LARGE1: variants seen among roughly 807,000 people sequenced by gnomAD.
The protein encoded by LARGE1 is xylosyl- and glucuronyltransferase LARGE1.
A neutral mutation model predicts 87.6 loss-of-function variants in LARGE1; 43 were observed. The ratio of observed to expected loss-of-function variants is 0.49; its 90% confidence interval spans 0.38 to 0.63. LARGE1 has a LOEUF of 0.63. LARGE1 is among the 30% of genes least tolerant of loss of function. The pLI, the probability that LARGE1 is intolerant of heterozygous loss-of-function variation, is 0.00. For synonymous variants in LARGE1, 434 were observed against 394.6 expected, an observed-to-expected ratio of 1.10 and a Z score of -1.18; for missense variants, 802 against 1,000.2, an observed-to-expected ratio of 0.80 and a Z score of 2.67.
chr22:33,196,385 AT>A (rs1017708582), intron 11 of LARGE1, among the ~76,000 whole-genome samples: 1 of 152,170 alleles, frequency 6.6e-6, no homozygotes, highest in Non-Finnish European at 1.5e-5. Flanking sequence ...ATGGCATTCA[AT>A]TTAGTAAGTT....
Position 33,849,568 on chromosome 22 carries a change from T to C in LARGE1, c.-83+70427A>G, listed in dbSNP as rs539154494. 1.1e-4 allele frequency among the ~76,000 whole-genome samples: 16 copies of C among 151,360 alleles called. No individual in the cohort carries two copies. The South Asian group carries it at 2.9e-3, about 28-fold the overall frequency. ...TATGAGTTTTCAACATATTAATCCC[T>C]TTAGTTCTTTTTTCTTTTCTTCTCT... On this transcript the variant is annotated intron_variant, in intron 1 of 14. Coordinates refer to ENST00000397394, the MANE Select transcript of LARGE1 (RefSeq NM_133642.5).
At chr22:33,348,289 C>CCCCAAA (rs1569081859) in intron 9 of LARGE1, among the ~76,000 whole-genome samples, 8 of 124,036 alleles carry the variant, frequency 6.4e-5, no homozygotes, top group African/African-American at 9.2e-5. Context: ...CACCCCCCCC[C>CCCCAAA]AAAAAAAAAG....
intron 6 of LARGE1, among the ~76,000 whole-genome samples, chr22:33,531,496 C>T (rs2072201133): frequency 6.6e-6 from 1 of 152,164 alleles, no homozygotes; most frequent in Non-Finnish European, 1.5e-5. Context: ...TCTCCAACTA[C>T]CTGGATGTGG....
At chr22:33,332,711 A>G (rs982488008) in intron 10 of LARGE1, among the ~76,000 whole-genome samples, 1 of 152,122 alleles carries the variant, frequency 6.6e-6, no homozygotes, top group African/African-American at 2.4e-5. Context: ...TGCAGATAAC[A>G]CTTGACGCGC....
chr22:33,462,302 G>A (rs1437932731), intron 6 of LARGE1, among the ~76,000 whole-genome samples: 3 of 151,986 alleles, frequency 2.0e-5, no homozygotes, highest in South Asian at 2.1e-4. Context: ...AACACCCTTC[G>A]GGATGGCAAA....
At chr22:33,913,451 G>A (rs2057175646) in intron 1 of LARGE1, among the ~76,000 whole-genome samples, 1 of 152,190 alleles carries the variant, frequency 6.6e-6, no homozygotes, top group South Asian at 2.1e-4. Context: ...CATAACCACT[G>A]TACTGCTTTC....
rs143324200 is a variant in LARGE1, at chr22:33,389,847, AAACCAACCAACCAACCAACC to A, written c.893-5563_893-5544del. Among the ~76,000 whole-genome samples the A allele has an allele frequency of 2.2e-3, 312 of 140,110 alleles. 2 individuals are homozygous for A. The Middle Eastern group carries it at 0.032, about 14-fold the overall frequency. The allele number at this position is 140,110 out of a possible 152,430, so 91.9% of individuals were successfully genotyped here. A position where few individuals can be genotyped will look rare whatever the true frequency, so the allele number is the denominator to read the frequency against. On this transcript the variant is annotated intron_variant, in intron 7 of 14. Transcript: ENST00000397394. ...GTGACAGAATGAGACTCAGTCTCAA[AAACCAACCAACCAACCAACC>A]AACCAACCAACCAACCAACCAACCA...
chr22:33,203,421 CAG>C (rs1602087926), intron 11 of LARGE1, among the ~76,000 whole-genome samples: 1 of 152,224 alleles, frequency 6.6e-6, no homozygotes, highest in East Asian at 1.9e-4. Flanking sequence ...ACCCTGTGTT[CAG>C]ATACTGGGAA....
chr22:33,109,555 T>C, the LARGE1 span, among the ~76,000 whole-genome samples: 1 of 152,216 alleles, frequency 6.6e-6, no homozygotes, highest in Non-Finnish European at 1.5e-5. Context: ...GAAATGTACC[T>C]TTATTTGCTT....
At chr22:33,463,996 A>G (rs2068486356) in intron 6 of LARGE1, among the ~76,000 whole-genome samples, 1 of 152,108 alleles carries the variant, frequency 6.6e-6, no homozygotes, top group African/African-American at 2.4e-5. Context: ...TAATAGTTCA[A>G]TTTTTAAGTT....
At chr22:33,626,473 T>C (rs2079926509) in intron 3 of LARGE1, 147 bp from the exon 4 acceptor site, 3 of 690,748 alleles carry the variant, frequency 4.3e-6, no homozygotes, top group Non-Finnish European at 7.8e-6. Flanking sequence ...CTGTGGAAAA[T>C]AACTCAAGAC....
intron 5 of LARGE1, among the ~76,000 whole-genome samples, chr22:33,574,686 TTGTGTGTGTGTGTGTGTGTGTG>T (rs3986017): frequency 0.012 from 1,794 of 144,076 alleles, 49 homozygotes; most frequent in African/African-American, 0.042. Flanking sequence ...ATATAAACAA[TTGTGTGTGTGTGTGTGTGTGTG>T]TGTGTGTGTG....
intron 1 of LARGE1, among the ~76,000 whole-genome samples, chr22:33,895,823 C>T (rs1027223120): frequency 6.6e-5 from 10 of 152,222 alleles, no homozygotes; most frequent in African/African-American, 2.4e-4. Context: ...GTCCCCTGCA[C>T]ACCCCAAGTG....
chr22:33,232,319 A>G (rs1047587990), intron 11 of LARGE1, among the ~76,000 whole-genome samples: 1 of 152,252 alleles, frequency 6.6e-6, no homozygotes, highest in Non-Finnish European at 1.5e-5. Context: ...TACGCACAGC[A>G]GATGCCTCTG....
the LARGE1 span, among the ~76,000 whole-genome samples, chr22:33,094,008 T>C: frequency 6.6e-6 from 1 of 151,884 alleles, no homozygotes; most frequent in African/African-American, 2.4e-5. Flanking sequence ...TGCCTCGGTC[T>C]CCCAAAGTGC....
chr22:33,774,345 C>CT (rs886360908), intron 1 of LARGE1, among the ~76,000 whole-genome samples: 3 of 151,524 alleles, frequency 2.0e-5, no homozygotes, highest in Admixed American at 6.6e-5. Context: ...AGACGTTAAT[C>CT]TTTTTTTTTC....
intron 7 of LARGE1, among the ~76,000 whole-genome samples, chr22:33,386,258 G>C (rs1287626318): frequency 2.7e-5 from 4 of 148,794 alleles, no homozygotes; most frequent in Non-Finnish European, 6.0e-5. Context: ...TCGGACACTT[G>C]TCAATTCACT....
chr22:33,603,494 A>T (rs1034307674), intron 5 of LARGE1, among the ~76,000 whole-genome samples: 1 of 152,212 alleles, frequency 6.6e-6, no homozygotes, highest in African/African-American at 2.4e-5. Context: ...CAGACAAGTG[A>T]ACAAAAAATG....
At chr22:33,620,430 TCACAGG>T (rs2079712031) in intron 4 of LARGE1, among the ~76,000 whole-genome samples, 1 of 152,140 alleles carries the variant, frequency 6.6e-6, no homozygotes, top group Non-Finnish European at 1.5e-5. Flanking sequence ...GGGATTGGAG[TCACAGG>T]CATTCCCCCC....
Sources: allele counts gnomAD v4.1 joint callset (sites outside exome capture counted in the v4.1 genomes callset), GRCh38; gene constraint gnomAD v4.1.1; transcripts MANE v1.5; gene names NCBI Gene and HGNC (gene_info 2026-07-23, HGNC 2026-07-21).